The following NAA35 variants were observed in gnomAD, a reference collection of about 807,000 sequenced individuals.
NAA35 encodes N-alpha-acetyltransferase 35, NatC auxiliary subunit.
A neutral mutation model predicts 101.7 loss-of-function variants in NAA35; 18 were observed. The ratio of observed to expected loss-of-function variants is 0.18; its 90% CI spans 0.12 to 0.26. NAA35 has a LOEUF of 0.26. Among genes scored for constraint, NAA35 ranks in the 10% least tolerant of loss-of-function variants. The probability of loss-of-function intolerance (pLI) is 1.00; values close to 1 mark genes in which losing one functional copy is unlikely to be tolerated. For synonymous variants in NAA35, 267 were observed against 273.1 expected (o/e 0.98, Z 0.22); for missense variants, 601 against 886.8 (o/e 0.68, Z 4.09).
chr9:85,946,284 A>G (rs934467128), intron 2 of NAA35, among the ~76,000 whole-genome samples: 20 of 152,148 alleles, frequency 1.3e-4, no homozygotes, highest in Admixed American at 1.3e-3. Flanking sequence ...AGCTGAGACT[A>G]CAGGCAAGTG....
chr9:85,969,120 G>A (rs1829888791), intron 6 of NAA35, among the ~76,000 whole-genome samples: 2 of 151,872 alleles, frequency 1.3e-5, no homozygotes, highest in Admixed American at 6.6e-5. Context: ...CTAGTTTTTT[G>A]TTCTCTGTTC....
At chr9:85,993,513 T>C (rs1831018275) in intron 11 of NAA35, among the ~76,000 whole-genome samples, 1 of 152,218 alleles carries the variant, frequency 6.6e-6, no homozygotes. Flanking sequence ...CCTTGGTTAC[T>C]GAGCATTGGA....
chr9:85,997,954 G>A (rs888744395), intron 12 of NAA35, among the ~76,000 whole-genome samples: 13 of 151,730 alleles, frequency 8.6e-5, no homozygotes, highest in African/African-American at 1.7e-4. Context: ...TCACTCTGTC[G>A]CCCAGGCTGG....
At chr9:86,018,172 T>C in intron 19 of NAA35, 83 bp from the exon 20 acceptor site, 1 of 1,274,726 alleles carries the variant, frequency 7.8e-7, no homozygotes, top group Middle Eastern at 2.1e-4. Flanking sequence ...AAATAGCTGT[T>C]TCTTGTCTTC....
At position 86,017,562 on chromosome 9, in the gene NAA35, T is replaced by A; in HGVS notation, c.1770T>A (p.Phe590Leu). Reference sequence around the variant, plus strand: ...ATCAGAACATGTGTGCTGGAATGTTTAAAGTAAGTTGTTGAAAGTGAAGTT... The same window carrying A: ...ATCAGAACATGTGTGCTGGAATGTTAAAAGTAAGTTGTTGAAAGTGAAGTT... ...QAYQNMCAGM[F>L]KTMVAFDMDG... Residue 590 changes from phenylalanine (F) to leucine (L), a missense_variant, in exon 19 of 23, where the codon TTT (phenylalanine) becomes TTA (leucine). Physicochemically the swap from Phe to Leu is conservative, Grantham distance 22. This residue lies in a region of NAA35 where 99 missense variants were observed against 206.7 expected (regional missense o/e 0.48). Coordinates refer to ENST00000361671, the MANE Select transcript of NAA35 (RefSeq NM_024635.4). 1 of 1,612,696 alleles carries A rather than the reference T, an allele frequency of 6.2e-7. No homozygotes were observed. Among genetic ancestry groups the A allele is most frequent in the South Asian group, 1.1e-5 (1 of 90,888 alleles).
chr9:85,966,783 T>A, intron 6 of NAA35: 1 of 381,348 alleles, frequency 2.6e-6, no homozygotes, highest in East Asian at 9.0e-5. Flanking sequence ...TCATTTAAAC[T>A]AGTTATTTCA....
chr9:85,942,488 A>G (rs1828567373), intron 2 of NAA35, among the ~76,000 whole-genome samples: 2 of 152,240 alleles, frequency 1.3e-5, no homozygotes, highest in Admixed American at 1.3e-4. Flanking sequence ...TTGAGGCAGT[A>G]TTTTAAAATT....
At chr9:86,013,629 A>C (rs983983190) in intron 16 of NAA35, 90 bp from the exon 17 acceptor site, 1 of 1,220,718 alleles carries the variant, frequency 8.2e-7, no homozygotes, top group Non-Finnish European at 1.1e-6. Context: ...TTTTCTGCTC[A>C]TATTCTTTTT....
In NAA35 at chr9:86,020,963, A is replaced by G. The variant is rs753966314; in HGVS notation, c.2112A>G (p.Glu704=). 19 of 1,609,782 alleles carry G rather than the reference A, an allele frequency of 1.2e-5. No individual in the cohort carries two copies. The South Asian group carries it at 2.1e-4, about 18-fold the overall frequency. The change falls in exon 22 of 23, where the codon GAA becomes GAG. Residue 704 remains glutamate (E), a synonymous_variant. Coordinates refer to ENST00000361671, the MANE Select transcript of NAA35 (RefSeq NM_024635.4). ...MKLLAGGHKK[E]SKVPPEFDFS... ...TATTGGCAGGAGGACACAAAAAGGA[A>G]TCTAAAGTGAGTACATTGTGGGAAA...
At chr9:86,020,807 G>T in intron 21 of NAA35, 82 bp from the exon 22 acceptor site, 1 of 1,042,212 alleles carries the variant, frequency 9.6e-7, no homozygotes, top group Non-Finnish European at 1.4e-6. Flanking sequence ...TCCAGCCTGG[G>T]TTGACAGCAG....
At position 86,010,802 on chromosome 9, in the gene NAA35, C is replaced by T. The variant is rs144478529; in HGVS notation, c.1290+871C>T. ...ACGTGTTAGCTAGGATGGTCTCGATCTCCTAACCTCGTGATCCACCCGCCT... is the reference window on the plus strand; with the variant it reads ...ACGTGTTAGCTAGGATGGTCTCGATTTCCTAACCTCGTGATCCACCCGCCT... On this transcript the variant is annotated intron_variant, in intron 15 of 22. Coordinates refer to ENST00000361671, the MANE Select transcript of NAA35 (RefSeq NM_024635.4). 9.7e-3 allele frequency among the ~76,000 whole-genome samples: 1,465 copies of T among 150,830 alleles called. 21 individuals carry two copies. The highest frequency in any genetic ancestry group is 0.032 in the African/African-American group (1,326 of 41,146).
At chr9:85,974,634 C>T (rs1182738303) in intron 6 of NAA35, among the ~76,000 whole-genome samples, 2 of 152,118 alleles carry the variant, frequency 1.3e-5, no homozygotes, top group African/African-American at 4.8e-5. Context: ...TTACTGTTCA[C>T]CTGTGAATGT....
chr9:86,004,008 C>A (rs186490764), intron 13 of NAA35, among the ~76,000 whole-genome samples: 2 of 152,152 alleles, frequency 1.3e-5, no homozygotes, highest in East Asian at 3.9e-4. Context: ...GAGGGGAGTT[C>A]AAAAATATTT....
rs2118335678 is a variant in NAA35 at position 86,003,576 on chromosome 9, A to G, written c.1057-9A>G. 6.4e-7 allele frequency: 1 copy of G among 1,564,036 alleles called. No homozygotes were observed. Among genetic ancestry groups the G allele is most frequent in the Non-Finnish European group, 8.8e-7 (1 of 1,142,672 alleles). The stretch of plus-strand genomic sequence containing the variant: ...TAATGACATTGCTTTTTCTTTATAT[A>G]TCTGTTAGGATTTTTTCTGTGAATT... On this transcript the variant is annotated splice_polypyrimidine_tract_variant and intron_variant, in intron 12 of 22. Transcript: ENST00000361671.
intron 13 of NAA35, among the ~76,000 whole-genome samples, chr9:86,004,832 C>A (rs1831562718): frequency 6.6e-6 from 1 of 152,170 alleles, no homozygotes; most frequent in African/African-American, 2.4e-5. Context: ...AATGTAGATA[C>A]AGACTACCAA....
chr9:86,024,989 A>C lies in NAA35; in HGVS notation c.*3029A>C, dbSNP rs1832722976. Among the ~76,000 whole-genome samples, 1 of 152,146 alleles carries C rather than the reference A, an allele frequency of 6.6e-6. No homozygotes were observed. The highest frequency in any genetic ancestry group is 1.9e-4 in the East Asian group (1 of 5,180). On this transcript the variant is annotated 3_prime_UTR_variant, in exon 23 of 23. Coordinates refer to ENST00000361671, the MANE Select transcript of NAA35 (RefSeq NM_024635.4). ...ATGGGGAGGCCACTGAGGTGGTGGG[A>C]CAGGCTGCAGGGAAGAATACCTCAA...
At chr9:85,951,890 C>T (rs1206116846) in intron 2 of NAA35, among the ~76,000 whole-genome samples, 5 of 152,190 alleles carry the variant, frequency 3.3e-5, no homozygotes, top group African/African-American at 1.2e-4. Flanking sequence ...GAACTCCTGA[C>T]CTCAAGTGAT....
At chr9:86,019,301 A>G (rs1259077339) in intron 21 of NAA35, among the ~76,000 whole-genome samples, 4 of 152,000 alleles carry the variant, frequency 2.6e-5, no homozygotes, top group Non-Finnish European at 4.4e-5. Flanking sequence ...TGTACTAACA[A>G]TACAAAAAAT....
chr9:85,941,375 C>T (rs922917756), intron 1 of NAA35, 102 bp downstream of exon 1: 26 of 985,396 alleles, frequency 2.6e-5, no homozygotes, highest in African/African-American at 3.5e-5. Context: ...CCAGGTCACC[C>T]TGCGGCCCCG....
Sources: allele counts gnomAD v4.1 joint callset (sites outside exome capture counted in the v4.1 genomes callset), GRCh38; gene constraint gnomAD v4.1.1; regional missense constraint gnomAD v4.1.1; transcripts MANE v1.5; gene names NCBI Gene and HGNC (gene_info 2026-07-23, HGNC 2026-07-21).